The following TMEM167A variants were observed in gnomAD, a reference collection of about 807,000 sequenced individuals.
TMEM167A encodes the protein transmembrane protein 167A.
TMEM167A carries 8 observed loss-of-function variants against 11.6 expected under a neutral mutation model. The observed-to-expected ratio is 0.69, with a 90% CI of 0.40 to 1.24. The LOEUF (loss-of-function observed/expected upper bound fraction) is 1.24, where lower values mean the gene tolerates loss of function less well. Ranked by LOEUF, TMEM167A falls within the 50% of genes most tolerant of loss-of-function variation. The pLI is 0.01. For synonymous variants in TMEM167A, 22 were observed against 28.0 expected (o/e 0.79, Z 0.67); for missense variants, 62 against 87.0 (o/e 0.71, Z 1.14).
chr5:83,065,408 T>C (rs1333475401), intron 1 of TMEM167A, among the ~76,000 whole-genome samples: 1 of 73,636 alleles, frequency 1.4e-5, no homozygotes, highest in Non-Finnish European at 4.4e-5. Flanking sequence ...AATTCTGAAT[T>C]TTTTTAAGGA....
At chr5:83,067,351 C>T (rs1409642254) in intron 1 of TMEM167A, among the ~76,000 whole-genome samples, 1 of 152,108 alleles carries the variant, frequency 6.6e-6, no homozygotes. Context: ...AAACTATATA[C>T]ATTATTTACC....
chr5:83,075,185 T>C (rs1185943464), intron 1 of TMEM167A, among the ~76,000 whole-genome samples: 1 of 152,054 alleles, frequency 6.6e-6, no homozygotes, highest in African/African-American at 2.4e-5. Context: ...AAAAGGGTTA[T>C]GCTAGAGGGA....
chr5:83,063,703 G>GCACACACA (rs112611185), intron 2 of TMEM167A, among the ~76,000 whole-genome samples: 11 of 149,634 alleles, frequency 7.4e-5, no homozygotes, highest in African/African-American at 2.7e-4. Flanking sequence ...ACTTACACAT[G>GCACACACA]CACACACACA....
At chr5:83,074,753 G>A (rs760724517) in intron 1 of TMEM167A, among the ~76,000 whole-genome samples, 4 of 150,666 alleles carry the variant, frequency 2.7e-5, no homozygotes, top group African/African-American at 7.3e-5. Flanking sequence ...AAGACACTGA[G>A]CATGTTTGTA....
In TMEM167A at chr5:83,057,034, C is replaced by T. The variant is rs771118010; in HGVS notation, c.*50G>A. ...TTTCCATTATTTTCTGCAGTCAGTCCTTGTTCACAATCAAATCTGATGGCA... is the reference window on the plus strand; with the variant it reads ...TTTCCATTATTTTCTGCAGTCAGTCTTTGTTCACAATCAAATCTGATGGCA... On this transcript the variant is annotated 3_prime_UTR_variant, in exon 4 of 4. Coordinates refer to ENST00000502346, the MANE Select transcript of TMEM167A (RefSeq NM_174909.5). 1.3e-6 allele frequency: 2 copies of T among 1,523,464 alleles called. No individual in the cohort carries two copies. The highest frequency in any genetic ancestry group is 1.8e-6 in the Non-Finnish European group (2 of 1,100,834). 94.4% of individuals were successfully genotyped at this position (1,523,464 alleles called of 1,614,324 possible). A position where few individuals can be genotyped will look rare whatever the true frequency, so the allele number is the denominator to read the frequency against.
chr5:83,067,932 A>AT (rs568156120), intron 1 of TMEM167A, among the ~76,000 whole-genome samples: 19 of 152,078 alleles, frequency 1.2e-4, no homozygotes, highest in African/African-American at 3.4e-4. Context: ...TCTATGCATT[A>AT]TTTTTTCATA....
chr5:83,071,416 A>T (rs1744557288), intron 1 of TMEM167A: 1 of 152,208 alleles, frequency 6.6e-6, no homozygotes, highest in Non-Finnish European at 1.5e-5. Flanking sequence ...GGAACACAGA[A>T]ATGACACTCC....
intron 1 of TMEM167A, among the ~76,000 whole-genome samples, chr5:83,074,774 C>CT (rs58381163): frequency 0.01 from 1,516 of 147,396 alleles, 21 homozygotes; most frequent in African/African-American, 0.034. Context: ...TCCCCAGACT[C>CT]TTTTTTTTTT....
At chr5:83,071,389 C>G (rs1456864205) in intron 1 of TMEM167A, 2 of 152,060 alleles carry the variant, frequency 1.3e-5, no homozygotes, top group African/African-American at 4.8e-5. Flanking sequence ...TAGTTTATCC[C>G]TTTTTGGGGG....
chr5:83,058,126 T>G (rs993877114), intron 3 of TMEM167A, among the ~76,000 whole-genome samples: 1 of 152,098 alleles, frequency 6.6e-6, no homozygotes, highest in African/African-American at 2.4e-5. Flanking sequence ...TCTTTCTTAA[T>G]GAAACTCCTT....
intron 1 of TMEM167A, among the ~76,000 whole-genome samples, chr5:83,074,384 C>T (rs934131555): frequency 5.3e-5 from 8 of 152,188 alleles, no homozygotes; most frequent in Non-Finnish European, 1.2e-4. Context: ...AAGCAGTTCC[C>T]AGCCAGTACT....
At chr5:83,058,210 C>G (rs975296058) in intron 3 of TMEM167A, among the ~76,000 whole-genome samples, 1 of 152,010 alleles carries the variant, frequency 6.6e-6, no homozygotes, top group Non-Finnish European at 1.5e-5. Flanking sequence ...CTAAAATTCT[C>G]AAGGTCATTT....
At chr5:83,069,344 A>G (rs901056973) in intron 1 of TMEM167A, among the ~76,000 whole-genome samples, 2 of 152,156 alleles carry the variant, frequency 1.3e-5, no homozygotes, top group Non-Finnish European at 2.9e-5. Context: ...TCAGTGAAAA[A>G]ATAATTGCAA....
At chr5:83,062,878 T>C (rs1043460114) in intron 2 of TMEM167A, among the ~76,000 whole-genome samples, 6 of 149,258 alleles carry the variant, frequency 4.0e-5, no homozygotes, top group African/African-American at 1.0e-4. Context: ...CCAAAAGAGA[T>C]GGCTGGCTAG....
intron 1 of TMEM167A, among the ~76,000 whole-genome samples, chr5:83,071,009 CA>C (rs1441517524): frequency 2.0e-5 from 3 of 151,882 alleles, no homozygotes; most frequent in Non-Finnish European, 4.4e-5. Context: ...AAGAAAGAAA[CA>C]ATGAGAAAAG....
intron 1 of TMEM167A, among the ~76,000 whole-genome samples, chr5:83,075,559 A>G (rs1744629891): frequency 6.6e-6 from 1 of 152,138 alleles, no homozygotes; most frequent in Non-Finnish European, 1.5e-5. Flanking sequence ...ATCTTGGCCA[A>G]CATGGTGAAA....
At chr5:83,062,944 T>C (rs1239907422) in intron 2 of TMEM167A, among the ~76,000 whole-genome samples, 1 of 151,804 alleles carries the variant, frequency 6.6e-6, no homozygotes, top group East Asian at 1.9e-4. Context: ...TCAGTTAAGT[T>C]CTATATATGT....
At chr5:83,059,043 ACT>A (rs1314277788) in intron 3 of TMEM167A, among the ~76,000 whole-genome samples, 1 of 152,042 alleles carries the variant, frequency 6.6e-6, no homozygotes, top group Non-Finnish European at 1.5e-5. Flanking sequence ...TTTCTAAGTC[ACT>A]CTGCCAAAAT....
At chr5:83,057,445 A>G (rs186199507) in intron 3 of TMEM167A, among the ~76,000 whole-genome samples, 1 of 152,194 alleles carries the variant, frequency 6.6e-6, no homozygotes, top group East Asian at 1.9e-4. Context: ...AAAAAATACA[A>G]TGCAGAATGT....
Sources: gnomAD v4.1 joint callset for allele counts (sites outside exome capture counted in the v4.1 genomes callset) on GRCh38, gnomAD v4.1.1 for gene constraint, MANE v1.5 for transcripts, NCBI Gene and HGNC (gene_info 2026-07-23, HGNC 2026-07-21) for gene names.